STPG1: variants seen among roughly 807,000 people sequenced by gnomAD.
STPG1 encodes O(6)-methylguanine-induced apoptosis 2.
STPG1 carries 33 observed loss-of-function variants against 40.1 expected under a neutral mutation model. The ratio of observed to expected loss-of-function variants is 0.82; its 90% CI spans 0.62 to 1.10. STPG1 has a LOEUF of 1.10. Ranked by LOEUF, STPG1 falls within the 50% of genes least tolerant of loss-of-function variation. STPG1 has a pLI of 0.00. For missense variants in STPG1, 396 were observed against 415.1 expected, an observed-to-expected ratio of 0.95 and a Z score of 0.40; for synonymous variants, 150 against 155.0, an observed-to-expected ratio of 0.97 and a Z score of 0.24.
At chr1:24,406,293 G>A (rs867641080) in intron 1 of STPG1, among the ~76,000 whole-genome samples, 1 of 151,966 alleles carries the variant, frequency 6.6e-6, no homozygotes, top group African/African-American at 2.4e-5. Context: ...CACATATAAT[G>A]TAAGAATTTT....
chr1:24,380,902 T>G (rs1014442145), intron 4 of STPG1, among the ~76,000 whole-genome samples: 3 of 152,220 alleles, frequency 2.0e-5, no homozygotes, highest in Non-Finnish European at 4.4e-5. Context: ...AGTGGCTACA[T>G]GCAGTGTGTA....
At chr1:24,366,688 T>C (rs941014395) in intron 7 of STPG1, among the ~76,000 whole-genome samples, 4 of 152,298 alleles carry the variant, frequency 2.6e-5, no homozygotes, top group Non-Finnish European at 4.4e-5. Context: ...CCTGAGTCCA[T>C]GGTGAGCAAA....
At chr1:24,375,472 T>C (rs936447232) in intron 5 of STPG1, among the ~76,000 whole-genome samples, 1 of 152,122 alleles carries the variant, frequency 6.6e-6, no homozygotes, top group Admixed American at 6.5e-5. Flanking sequence ...AGGGCCCTAA[T>C]GGCTAGACGG....
intron 5 of STPG1, among the ~76,000 whole-genome samples, chr1:24,375,623 T>C (rs776767560): frequency 2.0e-5 from 3 of 152,028 alleles, no homozygotes; most frequent in Non-Finnish European, 4.4e-5. Context: ...AAGTGAGGGA[T>C]GGTGGCAGCA....
intron 7 of STPG1, among the ~76,000 whole-genome samples, chr1:24,365,208 A>G (rs1188367375): frequency 6.6e-6 from 1 of 152,208 alleles, no homozygotes; most frequent in Non-Finnish European, 1.5e-5. Context: ...AGTGGGGCCA[A>G]CGGGGCTTGA....
chr1:24,364,389 G>A lies in STPG1; in HGVS notation c.738-3348C>T, dbSNP rs1641320321. 2.0e-6 allele frequency: 3 copies of A among 1,523,202 alleles called. No individual in the cohort carries two copies. The Admixed American group carries it at 6.2e-5, about 31-fold the overall frequency. The allele number at this position is 1,523,202 out of a possible 1,614,324, so 94.4% of individuals were successfully genotyped here. A position where few individuals can be genotyped will look rare whatever the true frequency, so the allele number is the denominator to read the frequency against. On this transcript the variant is annotated intron_variant, in intron 7 of 8. Transcript: ENST00000337248. ...CGGAATGACACACCCACCTGGAGGA[G>A]AGGTGGAAGGACGACGGCAGGTCAC... is the stretch of plus-strand genomic sequence containing the variant.
At chr1:24,364,225 C>G in intron 7 of STPG1, 1 of 1,544,672 alleles carries the variant, frequency 6.5e-7, no homozygotes, top group Non-Finnish European at 8.7e-7. Context: ...TCGCCACCCC[C>G]CACCTGACTG....
chr1:24,396,586 G>T (rs1643016029), intron 2 of STPG1, among the ~76,000 whole-genome samples: 1 of 152,190 alleles, frequency 6.6e-6, no homozygotes, highest in Non-Finnish European at 1.5e-5. Flanking sequence ...AACTGGGGTG[G>T]CCGTGTTCCA....
Position 24,377,566 on chromosome 1 carries a change from A to G in STPG1, c.462+2087T>C, listed in dbSNP as rs377290668. Among the ~76,000 whole-genome samples the G allele has an allele frequency of 6.6e-5, 10 of 152,234 alleles. No individual in the cohort carries two copies. In the East Asian group the frequency reaches 1.5e-3, roughly 24 times the overall value. On this transcript the variant is annotated intron_variant, in intron 5 of 8. Transcript: ENST00000337248. ...GAGCCTTCTCTGACCACCAAGTCAGAGAAGGCTGACTTGGTACTGCCAACC... is the reference window on the plus strand; with the variant it reads ...GAGCCTTCTCTGACCACCAAGTCAGGGAAGGCTGACTTGGTACTGCCAACC...
intron 2 of STPG1, among the ~76,000 whole-genome samples, chr1:24,392,551 A>T (rs192403639): frequency 1.3e-5 from 2 of 152,308 alleles, no homozygotes; most frequent in East Asian, 3.9e-4. Context: ...CCCTGCCCTC[A>T]GTCCAGCCTC....
At chr1:24,406,911 A>C (rs530456725) in intron 1 of STPG1, among the ~76,000 whole-genome samples, 3 of 152,364 alleles carry the variant, frequency 2.0e-5, no homozygotes, top group African/African-American at 7.2e-5. Context: ...CTAAGTGCAC[A>C]GCTGAGTGGA....
At chr1:24,398,474 T>C (rs968161212) in intron 2 of STPG1, among the ~76,000 whole-genome samples, 1 of 152,104 alleles carries the variant, frequency 6.6e-6, no homozygotes, top group Non-Finnish European at 1.5e-5. Flanking sequence ...AACGTTGTAC[T>C]GAAGGTCTCT....
intron 1 of STPG1, 32 bp from the exon 2 acceptor site, chr1:24,401,488 T>C (rs1027033832): frequency 2.1e-6 from 2 of 956,072 alleles, no homozygotes; most frequent in Non-Finnish European, 3.3e-6. Flanking sequence ...TTTGTAGAGA[T>C]CATTTCACAT....
chr1:24,406,481 TC>T (rs1643420286), intron 1 of STPG1, among the ~76,000 whole-genome samples: 1 of 152,170 alleles, frequency 6.6e-6, no homozygotes, highest in South Asian at 2.1e-4. Flanking sequence ...TTGTGTAAAT[TC>T]AAGATTCTTT....
chr1:24,391,599 C>CT lies in STPG1; in HGVS notation c.150dup (p.Gly51ArgfsTer4), dbSNP rs1210126972. ...AATCTCTTGGCTTGACTATTGAATCCTTTTTTTTCTGATTCTGGGATTACT... is the reference window on the plus strand; with the variant it reads ...AATCTCTTGGCTTGACTATTGAATCCTTTTTTTTTCTGATTCTGGGATTACT... On this transcript the variant is annotated frameshift_variant, in exon 3 of 9. Coordinates refer to ENST00000337248, the MANE Select transcript of STPG1 (RefSeq NM_001199013.2). LOFTEE classifies it high-confidence loss of function. The CT allele has an allele frequency of 3.9e-5, 60 of 1,538,948 alleles. No homozygotes were observed. Among genetic ancestry groups the CT allele is most frequent in the Middle Eastern group, 1.7e-4 (1 of 5,964 alleles).
chr1:24,360,386 T>G (rs764767649), intron 8 of STPG1, among the ~76,000 whole-genome samples: 1 of 152,138 alleles, frequency 6.6e-6, no homozygotes, highest in Non-Finnish European at 1.5e-5. Context: ...GAGGCGGAAG[T>G]TGTGAGCCAA....
intron 4 of STPG1, among the ~76,000 whole-genome samples, chr1:24,381,180 G>A (rs961490442): frequency 6.6e-6 from 1 of 152,160 alleles, no homozygotes; most frequent in African/African-American, 2.4e-5. Context: ...ATTCTAAAGG[G>A]GAAAGGGTTG....
chr1:24,374,955 G>A (rs949130456), intron 5 of STPG1, among the ~76,000 whole-genome samples: 1 of 152,114 alleles, frequency 6.6e-6, no homozygotes, highest in African/African-American at 2.4e-5. Context: ...TTCAGGACAC[G>A]TAGTCCTACC....
At position 24,358,059 on chromosome 1, in the gene STPG1, G is replaced by C. The variant is rs1313951534; in HGVS notation, c.*484C>G. 2.7e-6 allele frequency: 1 copy of C among 373,874 alleles called. No individual in the cohort carries two copies. Among genetic ancestry groups the C allele is most frequent in the African/African-American group, 2.1e-5 (1 of 47,610 alleles). 23.2% of individuals were successfully genotyped at this position (373,874 alleles called of 1,614,324 possible). A position where few individuals can be genotyped will look rare whatever the true frequency, so the allele number is the denominator to read the frequency against. ...TTCGCCCAGTAGACATACCGTAAGT[G>C]AGTGAGGTCAGAAAGGGACAAATGA... On this transcript the variant is annotated 3_prime_UTR_variant, in exon 9 of 9. Coordinates refer to ENST00000337248, the MANE Select transcript of STPG1 (RefSeq NM_001199013.2).
Sources: allele counts gnomAD v4.1 joint callset (sites outside exome capture counted in the v4.1 genomes callset), GRCh38; gene constraint gnomAD v4.1.1; transcripts MANE v1.5; gene names NCBI Gene and HGNC (gene_info 2026-07-23, HGNC 2026-07-21).